ANK2: variants seen among roughly 807,000 people sequenced by gnomAD.
ANK2 encodes the protein ankyrin-2.
In ANK2, 83 loss-of-function variants were observed where a neutral mutation model predicts 360.5. The ratio of observed to expected loss-of-function variants is 0.23; its 90% CI spans 0.19 to 0.28. The LOEUF (loss-of-function observed/expected upper bound fraction) is 0.28. ANK2 is among the 10% of genes least tolerant of loss of function. The pLI is 1.00. For missense variants in ANK2, 4,201 were observed against 4,795.7 expected, an observed-to-expected ratio of 0.88 and a Z score of 3.66; for synonymous variants, 1,740 against 1,759.5, an observed-to-expected ratio of 0.99 and a Z score of 0.28.
At chr4:113,118,197 G>T (rs934031209) in intron 1 of ANK2, among the ~76,000 whole-genome samples, 1 of 152,088 alleles carries the variant, frequency 6.6e-6, no homozygotes, top group Non-Finnish European at 1.5e-5. Context: ...CATTTAGTCA[G>T]TGATCTAGAT....
At chr4:112,825,474 T>G (rs1028844812) in intron 1 of ANK2, among the ~76,000 whole-genome samples, 1 of 152,226 alleles carries the variant, frequency 6.6e-6, no homozygotes, top group African/African-American at 2.4e-5. Context: ...CCTATCTGAT[T>G]TGGTTTATGT....
the ANK2 span, among the ~76,000 whole-genome samples, chr4:112,726,622 C>T: frequency 1.3e-5 from 2 of 151,894 alleles, no homozygotes; most frequent in Admixed American, 6.6e-5. Flanking sequence ...GAGGCCGAGG[C>T]GGGCAGATCA....
intron 2 of ANK2, among the ~76,000 whole-genome samples, chr4:113,011,390 G>A (rs1307411814): frequency 2.0e-5 from 3 of 152,024 alleles, no homozygotes; most frequent in African/African-American, 7.2e-5. Flanking sequence ...CAGATTAACA[G>A]GAGAAAAGCA....
chr4:113,228,715 T>G (rs2099254469), intron 4 of ANK2, among the ~76,000 whole-genome samples: 1 of 152,008 alleles, frequency 6.6e-6, no homozygotes, highest in Admixed American at 6.5e-5. Context: ...TAGTCTCCCT[T>G]GATATTTTTT....
At chr4:113,099,355 T>C (rs1043857327) in intron 1 of ANK2, among the ~76,000 whole-genome samples, 3 of 151,940 alleles carry the variant, frequency 2.0e-5, no homozygotes, top group African/African-American at 7.2e-5. Flanking sequence ...TGATTTCCTA[T>C]ATACCATCAA....
chr4:112,848,867 T>C lies in ANK2; in HGVS notation c.-40+30603T>C, dbSNP rs966137293. On this transcript the variant is annotated intron_variant, in intron 1 of 30. Coordinates refer to the ANK2 transcript ENST00000503271. Reference sequence around the variant, plus strand: ...CCCATTTCCTTGGCTTTGACTTACCTTCCCCAAAAGAATGGAGAAGAGTTT... The same window carrying C: ...CCCATTTCCTTGGCTTTGACTTACCCTCCCCAAAAGAATGGAGAAGAGTTT... Among the ~76,000 whole-genome samples, 10 of 152,328 alleles carry C rather than the reference T, an allele frequency of 6.6e-5. 1 individual carries two copies. The highest frequency in any genetic ancestry group is 3.4e-3 in the Middle Eastern group (1 of 294).
At chr4:112,950,938 C>G (rs1009165596) in intron 2 of ANK2, among the ~76,000 whole-genome samples, 1 of 150,842 alleles carries the variant, frequency 6.6e-6, no homozygotes, top group Non-Finnish European at 1.5e-5. Flanking sequence ...AAAAATTAGC[C>G]GGGCGTAGTG....
At chr4:112,858,042 C>CAT (rs1206513464) in intron 1 of ANK2, among the ~76,000 whole-genome samples, 5 of 152,146 alleles carry the variant, frequency 3.3e-5, no homozygotes, top group South Asian at 4.1e-4. Context: ...AGTTTCAAAA[C>CAT]ATATATATAT....
At chr4:113,203,078 G>A (rs905418382) in intron 4 of ANK2, among the ~76,000 whole-genome samples, 2 of 152,130 alleles carry the variant, frequency 1.3e-5, no homozygotes, top group Non-Finnish European at 2.9e-5. Context: ...CAAAATCATA[G>A]AGTTGAGGAA....
intron 4 of ANK2, among the ~76,000 whole-genome samples, chr4:113,217,716 C>G (rs912576324): frequency 6.6e-6 from 1 of 152,114 alleles, no homozygotes; most frequent in Non-Finnish European, 1.5e-5. Context: ...GCCGCCTCTC[C>G]CCCGCCCCGA....
rs587780852 is a variant in ANK2 at position 113,237,118 on chromosome 4, C to T, written c.615C>T (p.Thr205=). Residue 205 remains threonine (T), a synonymous_variant, in exon 6 of 46, where the codon ACC becomes ACT. Transcript: ENST00000357077. ...ALHIAARKDD[T]KSAALLLQND... ...ATATTGCCGCTAGGAAAGACGACAC[C>T]AAATCTGCCGCACTTCTGCTTCAGA... is the stretch of plus-strand genomic sequence containing the variant. 41 of 1,614,000 alleles carry T rather than the reference C, an allele frequency of 2.5e-5. No individual in the cohort carries two copies. In the Admixed American group the frequency reaches 6.7e-4, roughly 26 times the overall value.
At chr4:112,797,682 T>C in the ANK2 span, 1 of 174,062 alleles carries the variant, frequency 5.7e-6, no homozygotes, top group South Asian at 1.5e-4. Context: ...CTAATAACAA[T>C]AAGTTGGGGT....
At chr4:113,269,299 G>A (rs1348438204) in intron 14 of ANK2, among the ~76,000 whole-genome samples, 2 of 152,164 alleles carry the variant, frequency 1.3e-5, no homozygotes, top group Non-Finnish European at 2.9e-5. Context: ...TGTCTCACTG[G>A]CGTTCCAGGC....
chr4:113,296,883 T>A (rs949876460), intron 22 of ANK2, among the ~76,000 whole-genome samples: 1 of 152,220 alleles, frequency 6.6e-6, no homozygotes, highest in African/African-American at 2.4e-5. Context: ...ATTATTTGTA[T>A]AATCTTAAAG....
intron 4 of ANK2, among the ~76,000 whole-genome samples, chr4:113,203,662 T>C (rs1340033141): frequency 1.3e-5 from 2 of 152,148 alleles, no homozygotes; most frequent in Admixed American, 1.3e-4. Context: ...ATAATACAGG[T>C]AATAACATTG....
intron 1 of ANK2, among the ~76,000 whole-genome samples, chr4:112,861,087 A>T (rs925736414): frequency 1.3e-5 from 2 of 152,210 alleles, no homozygotes; most frequent in African/African-American, 4.8e-5. Context: ...TGATGCGGGG[A>T]TATGCAGGAG....
At chr4:112,727,556 A>AG in the ANK2 span, among the ~76,000 whole-genome samples, 1 of 152,092 alleles carries the variant, frequency 6.6e-6, no homozygotes, top group Non-Finnish European at 1.5e-5. Flanking sequence ...AATGAAACCA[A>AG]GGGTTGGTTT....
chr4:112,855,584 T>TAACTAATA (rs986664335), intron 1 of ANK2, among the ~76,000 whole-genome samples: 1 of 152,232 alleles, frequency 6.6e-6, no homozygotes, highest in Non-Finnish European at 1.5e-5. Flanking sequence ...GTAATGATAG[T>TAACTAATA]AACTAATACG....
intron 2 of ANK2, among the ~76,000 whole-genome samples, chr4:112,986,927 C>T (rs1205439600): frequency 6.6e-6 from 1 of 152,186 alleles, no homozygotes; most frequent in African/African-American, 2.4e-5. Flanking sequence ...CCATTTTTTA[C>T]ATATCAGCTA....
Sources: allele counts gnomAD v4.1 joint callset (sites outside exome capture counted in the v4.1 genomes callset), GRCh38; gene constraint gnomAD v4.1.1; transcripts MANE v1.5; gene names NCBI Gene and HGNC (gene_info 2026-07-23, HGNC 2026-07-21).